The following RBFOX1 variants were observed in gnomAD, a reference collection of about 807,000 sequenced individuals.
RBFOX1 encodes the protein RNA binding protein fox-1 homolog 1.
A neutral mutation model predicts 57.7 loss-of-function variants in RBFOX1; 8 were observed. That is an observed-to-expected ratio of 0.14 (90% CI 0.08 to 0.25). The LOEUF (loss-of-function observed/expected upper bound fraction) is 0.25. RBFOX1 is among the 10% of genes least tolerant of loss of function. The pLI, the probability that RBFOX1 is intolerant of heterozygous loss-of-function variation, is 1.00. For synonymous variants in RBFOX1, 326 were observed against 222.4 expected (o/e 1.47, Z -4.15); for missense variants, 611 against 548.5 (o/e 1.11, Z -1.14).
intron 2 of RBFOX1, among the ~76,000 whole-genome samples, chr16:5,470,310 T>C (rs1339045594): frequency 6.6e-6 from 1 of 152,180 alleles, no homozygotes; most frequent in Admixed American, 6.5e-5. Flanking sequence ...GACAGGCTCT[T>C]CTCACCTAGA....
chr16:6,167,021 C>T (rs2096922999), intron 1 of RBFOX1, among the ~76,000 whole-genome samples: 1 of 152,166 alleles, frequency 6.6e-6, no homozygotes, highest in South Asian at 2.1e-4. Flanking sequence ...GTTCTGCCTG[C>T]CTCAGCCTCC....
At chr16:7,131,753 C>G (rs760549935) in intron 4 of RBFOX1, among the ~76,000 whole-genome samples, 2 of 152,046 alleles carry the variant, frequency 1.3e-5, no homozygotes, top group African/African-American at 4.8e-5. Flanking sequence ...ATTGGCCACT[C>G]AGGTTCTCTG....
At chr16:5,549,631 G>C (rs1187940208) in intron 2 of RBFOX1, among the ~76,000 whole-genome samples, 1 of 152,146 alleles carries the variant, frequency 6.6e-6, no homozygotes, top group African/African-American at 2.4e-5. Flanking sequence ...AATTGGGTTG[G>C]GGCACAGCAT....
chr16:5,667,891 C>G (rs1440719111), intron 3 of RBFOX1, among the ~76,000 whole-genome samples: 1 of 152,156 alleles, frequency 6.6e-6, no homozygotes, highest in Non-Finnish European at 1.5e-5. Flanking sequence ...GCGAAACTGC[C>G]TGTGGCAAGG....
chr16:6,500,882 T>TG (rs1355896716), intron 2 of RBFOX1, among the ~76,000 whole-genome samples: 3 of 135,344 alleles, frequency 2.2e-5, no homozygotes, highest in Non-Finnish European at 3.2e-5. Flanking sequence ...AGTAGTTTTT[T>TG]TTTTTTTTTT....
intron 3 of RBFOX1, among the ~76,000 whole-genome samples, chr16:5,711,252 T>A (rs58825295): frequency 6.6e-6 from 1 of 152,140 alleles, no homozygotes; most frequent in Non-Finnish European, 1.5e-5. Context: ...TAACCCTGTA[T>A]GGTAAGTATT....
At chr16:6,532,156 G>C (rs2096666924) in intron 2 of RBFOX1, among the ~76,000 whole-genome samples, 1 of 152,128 alleles carries the variant, frequency 6.6e-6, no homozygotes, top group South Asian at 2.1e-4. Flanking sequence ...CTGGCTGGGA[G>C]AGCTAAGATG....
intron 2 of RBFOX1, among the ~76,000 whole-genome samples, chr16:6,576,170 C>T (rs1447624964): frequency 2.6e-5 from 4 of 152,108 alleles, no homozygotes; most frequent in African/African-American, 7.2e-5. Context: ...TTCATTCTTT[C>T]ATTTTGCAAC....
intron 4 of RBFOX1, among the ~76,000 whole-genome samples, chr16:7,283,375 C>T (rs865792692): frequency 6.6e-6 from 1 of 151,998 alleles, no homozygotes; most frequent in African/African-American, 2.4e-5. Context: ...ATTGAACCAG[C>T]ATGGATCAGT....
At chr16:5,482,632 G>T (rs1386168318) in intron 2 of RBFOX1, among the ~76,000 whole-genome samples, 1 of 152,196 alleles carries the variant, frequency 6.6e-6, no homozygotes. Flanking sequence ...AGGTTGATTA[G>T]GAAGGAATGT....
chr16:7,101,078 A>G (rs908115203), intron 4 of RBFOX1, among the ~76,000 whole-genome samples: 4 of 152,240 alleles, frequency 2.6e-5, no homozygotes, highest in African/African-American at 9.6e-5. Context: ...GTTTTCATTC[A>G]AAGAATAAAA....
chr16:7,084,116 G>A (rs2059618027), intron 4 of RBFOX1, among the ~76,000 whole-genome samples: 1 of 152,168 alleles, frequency 6.6e-6, no homozygotes, highest in African/African-American at 2.4e-5. Flanking sequence ...GTGTGGGACA[G>A]ACCTGGTATA....
intron 4 of RBFOX1, among the ~76,000 whole-genome samples, chr16:7,410,159 G>A (rs958522054): frequency 9.3e-5 from 14 of 150,988 alleles, no homozygotes; most frequent in Admixed American, 1.3e-4. Context: ...TTCCTACAGC[G>A]CAACTTAATA....
At chr16:7,432,244 A>G (rs897864155) in intron 4 of RBFOX1, among the ~76,000 whole-genome samples, 1 of 152,218 alleles carries the variant, frequency 6.6e-6, no homozygotes, top group Non-Finnish European at 1.5e-5. Context: ...AGGTAGGATG[A>G]GTCTCCCAAG....
At chr16:7,186,008 A>G (rs2083664709) in intron 4 of RBFOX1, among the ~76,000 whole-genome samples, 1 of 152,166 alleles carries the variant, frequency 6.6e-6, no homozygotes, top group Non-Finnish European at 1.5e-5. Flanking sequence ...AGTATAGATC[A>G]AAGGCACACA....
rs79605643 is a variant in RBFOX1 at position 5,908,712 on chromosome 16, A to G, written c.351+41377A>G. Among the ~76,000 whole-genome samples, 1,073 of 152,162 alleles carry G rather than the reference A, an allele frequency of 7.1e-3. 9 individuals are homozygous for G. The highest frequency in any genetic ancestry group is 0.025 in the African/African-American group (1,024 of 41,500). On this transcript the variant is annotated intron_variant, in intron 4 of 19. Transcript: ENST00000641259. The stretch of plus-strand genomic sequence containing the variant: ...GACTCTTAGTTTCAATTCGATGCAT[A>G]TAAACTCGTGGGCCCCTGCTATAGA...
At chr16:7,673,597 G>A (rs779867173) in intron 13 of RBFOX1, among the ~76,000 whole-genome samples, 5 of 152,084 alleles carry the variant, frequency 3.3e-5, no homozygotes, top group Non-Finnish European at 5.9e-5. Flanking sequence ...GTGCTTAATG[G>A]GTAACTACCT....
intron 3 of RBFOX1, among the ~76,000 whole-genome samples, chr16:7,019,409 GGA>G (rs1278058699): frequency 5.3e-5 from 8 of 151,954 alleles, no homozygotes; most frequent in Admixed American, 4.6e-4. Context: ...TGTGTGAGTG[GGA>G]GAGAGAGAGT....
chr16:6,289,569 T>C (rs575376087), intron 1 of RBFOX1, among the ~76,000 whole-genome samples: 2 of 152,286 alleles, frequency 1.3e-5, no homozygotes, highest in African/African-American at 2.4e-5. Flanking sequence ...TGTTCTCTTA[T>C]GCCCTTTTAA....
Sources: allele counts gnomAD v4.1 joint callset (sites outside exome capture counted in the v4.1 genomes callset), GRCh38; gene constraint gnomAD v4.1.1; transcripts MANE v1.5; gene names NCBI Gene and HGNC (gene_info 2026-07-23, HGNC 2026-07-21).